The following SLC25A26 variants were observed in gnomAD, a reference collection of about 807,000 sequenced individuals.
The protein encoded by SLC25A26 is mitochondrial S-adenosylmethionine carrier protein.
Under a neutral mutation model 37.8 loss-of-function variants are expected in SLC25A26, and 36 were observed. That is an observed-to-expected ratio of 0.95 (90% confidence interval 0.73 to 1.26). The LOEUF (loss-of-function observed/expected upper bound fraction) is 1.26, where lower values mean the gene tolerates loss of function less well. Ranked by LOEUF, SLC25A26 falls within the 50% of genes most tolerant of loss-of-function variation. The pLI is 0.00. For missense variants in SLC25A26, 390 were observed against 331.1 expected, an observed-to-expected ratio of 1.18 and a Z score of -1.38; for synonymous variants, 129 against 122.5, an observed-to-expected ratio of 1.05 and a Z score of -0.35.
intron 5 of SLC25A26, among the ~76,000 whole-genome samples, chr3:66,341,763 A>G (rs1353609348): frequency 6.6e-6 from 1 of 152,100 alleles, no homozygotes; most frequent in Admixed American, 6.6e-5. Context: ...TTTTAGGTTA[A>G]TTTCTTTTAT....
At chr3:66,365,947 T>C (rs2076815162) in intron 7 of SLC25A26, among the ~76,000 whole-genome samples, 1 of 152,216 alleles carries the variant, frequency 6.6e-6, no homozygotes, top group Non-Finnish European at 1.5e-5. Context: ...CCCCACATTC[T>C]CAGCCACTGC....
chr3:66,272,630 C>G (rs1430109383), intron 5 of SLC25A26, among the ~76,000 whole-genome samples: 1 of 152,018 alleles, frequency 6.6e-6, no homozygotes, highest in East Asian at 1.9e-4. Flanking sequence ...GTGATCACTC[C>G]AGCTAAAATA....
chr3:66,286,407 A>G (rs981532259), intron 5 of SLC25A26, among the ~76,000 whole-genome samples: 1 of 152,096 alleles, frequency 6.6e-6, no homozygotes, highest in African/African-American at 2.4e-5. Context: ...TGTTTTTTGC[A>G]TATATAGATG....
chr3:66,175,128 TATATATATATATAC>T (rs768990783), intron 1 of SLC25A26, among the ~76,000 whole-genome samples: 14 of 92,846 alleles, frequency 1.5e-4, no homozygotes, highest in Admixed American at 4.0e-4. Flanking sequence ...TATATATATA[TATATATATATATAC>T]ACACACACAC....
At position 66,237,202 on chromosome 3, in the gene SLC25A26, GA is replaced by G. The variant is rs537195930; in HGVS notation, c.190+511del. 1.6e-3 allele frequency among the ~76,000 whole-genome samples: 244 copies of G among 150,174 alleles called. 2 individuals carry two copies. The South Asian group carries it at 0.023, about 14-fold the overall frequency. The stretch of plus-strand genomic sequence containing the variant: ...TCCATTTCAATATATTTGTAGTAGG[GA>G]AAAAAAAAGCAATCTTTTAAAAATT... On this transcript the variant is annotated intron_variant, in intron 2 of 9. Transcript: ENST00000354883.
intron 5 of SLC25A26, among the ~76,000 whole-genome samples, chr3:66,325,078 GTTGGAGGA>G (rs1408791253): frequency 3.3e-5 from 5 of 152,154 alleles, no homozygotes; most frequent in African/African-American, 1.2e-4. Context: ...TTTTCTTTAT[GTTGGAGGA>G]TTGACAACCC....
intron 9 of SLC25A26, among the ~76,000 whole-genome samples, chr3:66,375,448 A>G (rs187670837): frequency 1.3e-5 from 2 of 152,346 alleles, no homozygotes; most frequent in East Asian, 3.9e-4. Flanking sequence ...GGAGACATCA[A>G]TGCCTGGCCT....
intron 6 of SLC25A26, among the ~76,000 whole-genome samples, chr3:66,362,301 C>G (rs534903797): frequency 5.9e-5 from 9 of 152,222 alleles, no homozygotes; most frequent in Admixed American, 2.0e-4. Context: ...TGTCCATCAA[C>G]AGGTAAATGC....
At chr3:66,372,317 G>C (rs1221960800) in intron 9 of SLC25A26, among the ~76,000 whole-genome samples, 1 of 152,216 alleles carries the variant, frequency 6.6e-6, no homozygotes, top group African/African-American at 2.4e-5. Flanking sequence ...CAGCCCCTCA[G>C]CCTTTTCTGG....
intron 1 of SLC25A26, among the ~76,000 whole-genome samples, chr3:66,183,494 C>T (rs1432245879): frequency 6.6e-6 from 1 of 152,006 alleles, no homozygotes; most frequent in Non-Finnish European, 1.5e-5. Flanking sequence ...CTCTGACCCT[C>T]ACACTTACCC....
intron 1 of SLC25A26, among the ~76,000 whole-genome samples, chr3:66,226,895 A>G (rs530964790): frequency 6.6e-6 from 1 of 152,336 alleles, no homozygotes. Context: ...TATAGGGGAA[A>G]AATTGCAAAG....
intron 1 of SLC25A26, among the ~76,000 whole-genome samples, chr3:66,173,768 G>A (rs1212578151): frequency 1.3e-5 from 2 of 152,114 alleles, no homozygotes. Context: ...TAACATGAAA[G>A]CTGGCTGGGT....
At chr3:66,311,355 C>G (rs1396717891) in intron 5 of SLC25A26, among the ~76,000 whole-genome samples, 11 of 152,008 alleles carry the variant, frequency 7.2e-5, no homozygotes, top group Non-Finnish European at 4.4e-5. Context: ...CATTTATGTT[C>G]GTGTCTAAAC....
chr3:66,280,516 A>G (rs1009590770), intron 5 of SLC25A26, among the ~76,000 whole-genome samples: 1 of 152,206 alleles, frequency 6.6e-6, no homozygotes, highest in African/African-American at 2.4e-5. Flanking sequence ...AACTTGATCT[A>G]CATAAAGCAC....
At chr3:66,263,524 A>T (rs1269424535) in intron 5 of SLC25A26, 145 bp downstream of exon 5, 1 of 632,698 alleles carries the variant, frequency 1.6e-6, no homozygotes. Context: ...TCTTCTGTTA[A>T]ATTTTCTGAG....
intron 5 of SLC25A26, among the ~76,000 whole-genome samples, chr3:66,343,887 A>G (rs2076263358): frequency 6.6e-6 from 1 of 152,226 alleles, no homozygotes; most frequent in African/African-American, 2.4e-5. Flanking sequence ...ATAATGCTTG[A>G]GTTTCAGAAT....
rs1020776132 is a variant in SLC25A26, at chr3:66,192,456, T to C, written c.-353-28286T>C. On this transcript the variant is annotated intron_variant, in intron 1 of 10. Coordinates refer to the SLC25A26 transcript ENST00000676754. The stretch of plus-strand genomic sequence containing the variant: ...CCAGATACGGGATCTGCTGGTGCAT[T>C]GATTTTGGACTTCCCAGCCTCCAGA... Among the ~76,000 whole-genome samples, 61 of 152,238 alleles carry C rather than the reference T, an allele frequency of 4.0e-4. 2 individuals carry two copies. The East Asian group carries it at 0.012, about 29-fold the overall frequency.
chr3:66,159,883 G>A (rs1305498350), intron 1 of SLC25A26, among the ~76,000 whole-genome samples: 3 of 152,136 alleles, frequency 2.0e-5, no homozygotes, highest in African/African-American at 4.8e-5. Context: ...ACACCCCACT[G>A]TAACTACATG....
At chr3:66,210,022 G>T (rs2071263689) in intron 1 of SLC25A26, among the ~76,000 whole-genome samples, 1 of 140,836 alleles carries the variant, frequency 7.1e-6, no homozygotes, top group Non-Finnish European at 1.5e-5. Flanking sequence ...AGGCTTTTAG[G>T]AGTTTCGGAT....
Sources: allele counts gnomAD v4.1 joint callset (sites outside exome capture counted in the v4.1 genomes callset), GRCh38; gene constraint gnomAD v4.1.1; transcripts MANE v1.5; gene names NCBI Gene and HGNC (gene_info 2026-07-23, HGNC 2026-07-21).